Variants in CATSPER3 observed in about 807,000 individuals in gnomAD.
CATSPER3 encodes cation channel sperm associated 3.
In CATSPER3, 23 loss-of-function variants were observed where a neutral mutation model predicts 36.6. The observed-to-expected ratio is 0.63, with a 90% CI of 0.45 to 0.89. CATSPER3 has a LOEUF of 0.89. Among genes scored for constraint, CATSPER3 ranks in the 40% least tolerant of loss-of-function variants. The pLI, the probability that CATSPER3 is intolerant of heterozygous loss-of-function variation, is 0.00. For missense variants in CATSPER3, 474 were observed against 503.9 expected, an observed-to-expected ratio of 0.94 and a Z score of 0.57; for synonymous variants, 172 against 184.1, an observed-to-expected ratio of 0.93 and a Z score of 0.53.
Position 135,003,919 on chromosome 5 carries a change from G to A in CATSPER3, c.493-4038G>A, listed in dbSNP as rs115092483. 7.7e-3 allele frequency among the ~76,000 whole-genome samples: 1,167 copies of A among 152,278 alleles called. 12 individuals carry two copies. Among genetic ancestry groups the A allele is most frequent in the African/African-American group, 0.026 (1,066 of 41,548 alleles). ...TGCTTCCTGGGTGAGGCGATGCCTCGCCCTGCTTCGGCTCTCACTCAGTGG... is the reference window on the plus strand; with the variant it reads ...TGCTTCCTGGGTGAGGCGATGCCTCACCCTGCTTCGGCTCTCACTCAGTGG... On this transcript the variant is annotated intron_variant, in intron 3 of 7. Coordinates refer to ENST00000282611, the MANE Select transcript of CATSPER3 (RefSeq NM_178019.3).
chr5:135,003,729 C>T (rs189594716), intron 3 of CATSPER3, among the ~76,000 whole-genome samples: 11 of 152,346 alleles, frequency 7.2e-5, no homozygotes, highest in African/African-American at 2.6e-4. Context: ...AGCAAGTCTC[C>T]GTGAGCATGG....
rs1303374028 is a variant in CATSPER3 at position 134,974,201 on chromosome 5, A to T, written c.252+4109A>T. On this transcript the variant is annotated intron_variant, in intron 2 of 7. Coordinates refer to ENST00000282611, the MANE Select transcript of CATSPER3 (RefSeq NM_178019.3). ...GAGGGATATGCTGAACTGTACCATGAGCGTGCACTCAGCAAAATCCAGACT... is the reference window on the plus strand; with the variant it reads ...GAGGGATATGCTGAACTGTACCATGTGCGTGCACTCAGCAAAATCCAGACT... Among the ~76,000 whole-genome samples the T allele has an allele frequency of 2.6e-5, 4 of 152,120 alleles. No individual in the cohort carries two copies. In the East Asian group the frequency reaches 7.7e-4, roughly 29 times the overall value.
intron 2 of CATSPER3, among the ~76,000 whole-genome samples, chr5:134,974,073 G>A (rs1751638522): frequency 6.6e-6 from 1 of 152,130 alleles, no homozygotes; most frequent in South Asian, 2.1e-4. Flanking sequence ...ATTGATCTAG[G>A]CACTGAGCAT....
chr5:134,984,767 C>T (rs1165794994), intron 2 of CATSPER3, among the ~76,000 whole-genome samples: 1 of 151,678 alleles, frequency 6.6e-6, no homozygotes. Flanking sequence ...AATCCCACTA[C>T]TGACTATCTC....
rs1393776979 is a variant in CATSPER3, at chr5:135,009,279, C to T, written c.817-92C>T. 5 of 1,351,376 alleles carry T rather than the reference C, an allele frequency of 3.7e-6. No individual in the cohort carries two copies. In the Admixed American group the frequency reaches 6.7e-5, roughly 18 times the overall value. 83.7% of individuals were successfully genotyped at this position (1,351,376 alleles called of 1,614,324 possible). Reference sequence around the variant, plus strand: ...GGGGAAAAGTGCTCCTGCTGAGGGCCTGAGCAGCGGTGCAAGACTGGGGAA... The same window carrying T: ...GGGGAAAAGTGCTCCTGCTGAGGGCTTGAGCAGCGGTGCAAGACTGGGGAA... On this transcript the variant is annotated intron_variant, in intron 5 of 7. Transcript: ENST00000282611.
At chr5:134,990,532 A>G (rs1751866224) in intron 2 of CATSPER3, among the ~76,000 whole-genome samples, 1 of 152,198 alleles carries the variant, frequency 6.6e-6, no homozygotes, top group African/African-American at 2.4e-5. Context: ...TAGCTTAGTA[A>G]TTTCAGTGCC....
At chr5:134,981,178 T>C (rs1348120163) in intron 2 of CATSPER3, among the ~76,000 whole-genome samples, 1 of 152,122 alleles carries the variant, frequency 6.6e-6, no homozygotes, top group Admixed American at 6.6e-5. Context: ...CTTCTTTCTT[T>C]TTGCTTGAGA....
chr5:134,981,824 G>C (rs1751755740), intron 2 of CATSPER3, among the ~76,000 whole-genome samples: 1 of 152,162 alleles, frequency 6.6e-6, no homozygotes, highest in Admixed American at 6.5e-5. Context: ...CTAGACAAAG[G>C]CTTTAAAAAT....
intron 2 of CATSPER3, among the ~76,000 whole-genome samples, chr5:134,986,818 A>G (rs1457340724): frequency 6.6e-6 from 1 of 152,236 alleles, no homozygotes; most frequent in Non-Finnish European, 1.5e-5. Context: ...AAATTAGAAA[A>G]TATAAGATGA....
intron 3 of CATSPER3, among the ~76,000 whole-genome samples, chr5:135,003,827 C>A (rs1428476231): frequency 6.6e-6 from 1 of 152,196 alleles, no homozygotes; most frequent in Non-Finnish European, 1.5e-5. Context: ...GTGGGAGTGA[C>A]CCGATTTTCC....
intron 2 of CATSPER3, among the ~76,000 whole-genome samples, chr5:134,986,458 C>CT (rs61671231): frequency 0.036 from 4,201 of 116,618 alleles, 346 homozygotes; most frequent in African/African-American, 0.12. Flanking sequence ...ACAGCATACC[C>CT]TTTTTTTTTT....
intron 7 of CATSPER3, 132 bp from the exon 8 acceptor site, chr5:135,011,389 A>G: frequency 2.7e-6 from 2 of 728,336 alleles, no homozygotes; most frequent in South Asian, 1.5e-5. Flanking sequence ...ACCCAGCCTC[A>G]TCTGGCTCTG....
At chr5:134,978,440 CAATT>C (rs1751704955) in intron 2 of CATSPER3, among the ~76,000 whole-genome samples, 1 of 151,892 alleles carries the variant, frequency 6.6e-6, no homozygotes, top group African/African-American at 2.4e-5. Context: ...TATTATATGT[CAATT>C]AAAAACAAAA....
intron 7 of CATSPER3, among the ~76,000 whole-genome samples, chr5:135,010,887 C>T (rs1054232269): frequency 5.3e-5 from 8 of 152,228 alleles, no homozygotes; most frequent in African/African-American, 1.4e-4. Flanking sequence ...CCACTACCTT[C>T]CTGTGTGGCC....
At chr5:134,976,810 C>T (rs1751681117) in intron 2 of CATSPER3, among the ~76,000 whole-genome samples, 1 of 152,254 alleles carries the variant, frequency 6.6e-6, no homozygotes, top group South Asian at 2.1e-4. Context: ...ATTCCCTAAG[C>T]CCACAGACTT....
chr5:135,002,999 G>A (rs961142622), intron 3 of CATSPER3, among the ~76,000 whole-genome samples: 44 of 152,238 alleles, frequency 2.9e-4, no homozygotes, highest in Non-Finnish European at 3.8e-4. Context: ...CTGGTGAGGA[G>A]CTGCGTTCCT....
rs150251956 is a variant in CATSPER3, at chr5:134,970,025, C to T, written c.185C>T (p.Ser62Leu). The T allele has an allele frequency of 8.1e-5, 131 of 1,613,980 alleles. No homozygotes were observed. In the African/African-American group the frequency reaches 1.5e-3, roughly 18 times the overall value. The change falls in exon 2 of 8, where the codon TCG becomes TTG. Residue 62 changes from serine (S) to leucine (L), a missense_variant. Ser to Leu is a moderately radical substitution (Grantham distance 145). Transcript: ENST00000282611. ...ATAATTATGATTAGCACTGTCACAT[C>T]GAATGCGTTTTTTATGGCCTTGTGG... Reference protein sequence around the residue: ...FKIIMISTVTSNAFFMALWTS... With the variant: ...FKIIMISTVTLNAFFMALWTS...
chr5:134,977,745 C>T (rs762489580), intron 2 of CATSPER3, among the ~76,000 whole-genome samples: 1 of 152,246 alleles, frequency 6.6e-6, no homozygotes, highest in South Asian at 2.1e-4. Flanking sequence ...AAAGAAATAC[C>T]TGAGGCTGAG....
Position 134,996,311 on chromosome 5 carries a change from G to T in CATSPER3, c.291G>T (p.Glu97Asp). ...EIFFVSICTS[E>D]LSMKVYVDPI... ...TCTTTGTGTCCATCTGCACATCTGA[G>T]TTGTCCATGAAGGTCTATGTGGACC... The change falls in exon 3 of 8, where the codon GAG becomes GAT. Residue 97 changes from glutamate to aspartate, a missense_variant. Coordinates refer to ENST00000282611, the MANE Select transcript of CATSPER3 (RefSeq NM_178019.3). 2 of 1,614,258 alleles carry T rather than the reference G, an allele frequency of 1.2e-6. No homozygotes were observed. The highest frequency in any genetic ancestry group is 2.2e-5 in the South Asian group (2 of 91,086).
Sources: gnomAD v4.1 joint callset for allele counts (sites outside exome capture counted in the v4.1 genomes callset) on GRCh38, gnomAD v4.1.1 for gene constraint, MANE v1.5 for transcripts, NCBI Gene and HGNC (gene_info 2026-07-23, HGNC 2026-07-21) for gene names.